The following GCLC variants were observed in gnomAD, a reference collection of about 807,000 sequenced individuals.
GCLC encodes glutamate--cysteine ligase catalytic subunit.
GCLC carries 30 observed loss-of-function variants against 81.5 expected under a neutral mutation model. That is an observed-to-expected ratio of 0.37 (90% CI 0.28 to 0.50). The LOEUF (loss-of-function observed/expected upper bound fraction) is 0.50. Among genes scored for constraint, GCLC ranks in the 20% least tolerant of loss-of-function variants. The pLI, the probability that GCLC is intolerant of heterozygous loss-of-function variation, is 0.96. For synonymous variants in GCLC, 262 were observed against 273.3 expected (o/e 0.96, Z 0.41); for missense variants, 556 against 777.4 (o/e 0.72, Z 3.39).
Position 53,507,603 on chromosome 6 carries a change from T to A in GCLC, c.961A>T (p.Asn321Tyr). Residue 321 changes from asparagine (N) to tyrosine (Y), a missense_variant, in exon 9 of 16, where the codon AAC (asparagine) becomes TAC (tyrosine). Asn to Tyr is a moderately radical substitution (Grantham distance 143). Coordinates refer to ENST00000650454, the MANE Select transcript of GCLC (RefSeq NM_001498.4). ...TATCGGGATTTACTGATCCTATAGT[T>A]ATTGTTCTTCAATGGCTAAAGATTA... is the stretch of plus-strand genomic sequence containing the variant. ...ERGLEPLKNN[N>Y]YRISKSRYDS... 2 of 1,515,656 alleles carry A rather than the reference T, an allele frequency of 1.3e-6. No homozygotes were observed. The highest frequency in any genetic ancestry group is 1.8e-6 in the Non-Finnish European group (2 of 1,091,886). 93.9% of individuals were successfully genotyped at this position (1,515,656 alleles called of 1,614,324 possible).
intron 2 of GCLC, among the ~76,000 whole-genome samples, chr6:53,521,801 C>G (rs1021933404): frequency 2.0e-5 from 3 of 152,034 alleles, no homozygotes; most frequent in African/African-American, 7.2e-5. Context: ...GTGAAACCCC[C>G]GTCTCTACTA....
At position 53,514,596 on chromosome 6, in the gene GCLC, T is replaced by A. The variant is rs144595110; in HGVS notation, c.561-99A>T. 4.3e-5 allele frequency: 37 copies of A among 862,576 alleles called. No homozygotes were observed. The Admixed American group carries it at 6.2e-4, about 14-fold the overall frequency. 53.4% of individuals were successfully genotyped at this position (862,576 alleles called of 1,614,324 possible). On this transcript the variant is annotated intron_variant, in intron 4 of 15. Coordinates refer to ENST00000650454, the MANE Select transcript of GCLC (RefSeq NM_001498.4). Reference sequence around the variant, plus strand: ...CAAGTAAGTGGAATGAAATCATACCTCAAATTAGTTATCTAAGACAACTCA... The same window carrying A: ...CAAGTAAGTGGAATGAAATCATACCACAAATTAGTTATCTAAGACAACTCA...
In GCLC at chr6:53,500,366, G is replaced by T. The variant is rs185146268; in HGVS notation, c.1478-16C>A. On this transcript the variant is annotated splice_polypyrimidine_tract_variant and intron_variant, in intron 13 of 15. Transcript: ENST00000650454. ...GCATTGCCACCTGCCGGAGAAGAGG[G>T]TCAGGGGAGCTTTAGCAGCTTGTTG... 5.4e-4 allele frequency: 869 copies of T among 1,612,596 alleles called. 7 individuals carry two copies. In the African/African-American group the frequency reaches 0.01, roughly 19 times the overall value.
intron 9 of GCLC, 30 bp downstream of exon 9, chr6:53,507,450 C>G (rs1306508095): frequency 4.3e-6 from 7 of 1,611,306 alleles, no homozygotes; most frequent in Non-Finnish European, 5.1e-6. Context: ...GGCGTACATT[C>G]AAACCCAGAA....
intron 3 of GCLC, among the ~76,000 whole-genome samples, chr6:53,516,934 C>T (rs1764884901): frequency 6.6e-6 from 1 of 151,966 alleles, no homozygotes; most frequent in Non-Finnish European, 1.5e-5. Context: ...CCAGTTTTTC[C>T]AAGTTAGGAA....
At chr6:53,538,874 C>T (rs1235912061) in intron 1 of GCLC, among the ~76,000 whole-genome samples, 3 of 152,030 alleles carry the variant, frequency 2.0e-5, no homozygotes, top group Admixed American at 2.0e-4. Context: ...GTTTTCTGAC[C>T]CTCTACAACC....
At chr6:53,527,437 G>T (rs368657545) in intron 1 of GCLC, among the ~76,000 whole-genome samples, 7 of 152,322 alleles carry the variant, frequency 4.6e-5, no homozygotes, top group African/African-American at 1.7e-4. Context: ...TCTAGTTAGA[G>T]TTGATGACTA....
chr6:53,542,602 A>T (rs1004637952), intron 1 of GCLC, among the ~76,000 whole-genome samples: 1 of 151,532 alleles, frequency 6.6e-6, no homozygotes, highest in African/African-American at 2.4e-5. Flanking sequence ...TGTTGTCTCC[A>T]GAAGGAGTTG....
rs1446719873 is a variant in GCLC, at chr6:53,544,537, C to T, written c.109G>A (p.Val37Ile). 2 of 1,609,062 alleles carry T rather than the reference C, an allele frequency of 1.2e-6. No individual in the cohort carries two copies. The highest frequency in any genetic ancestry group is 1.1e-5 in the South Asian group (1 of 91,084). ...ILQFLHIYHA[V>I]KDRHKDVLKW... is the part of the protein sequence containing the mutation. ...AGAACGTCCTTGTGCCGGTCCTTGA[C>T]GGCGTGGTAGATGTGCAGGAACTGG... Residue 37 changes from valine to isoleucine, a missense_variant, in exon 1 of 16, where the codon GTC becomes ATC. Val to Ile is a conservative substitution (Grantham distance 29, BLOSUM62 3). Around this residue, in one of 3 missense-constraint regions of GCLC, gnomAD observed 234 missense variants for 303.8 expected, o/e 0.77. Transcript: ENST00000650454.
rs552725044 is a variant in GCLC, at chr6:53,511,209, G to C, written c.754-1959C>G. ...TCTTGGAAAAAAAAAAGTGGGGGGGGGGTGCTAAAGAGGATGACATGCGGT... is the reference window on the plus strand; with the variant it reads ...TCTTGGAAAAAAAAAAGTGGGGGGGCGGTGCTAAAGAGGATGACATGCGGT... On this transcript the variant is annotated intron_variant, in intron 6 of 15. Transcript: ENST00000650454. Among the ~76,000 whole-genome samples, 332 of 145,866 alleles carry C rather than the reference G, an allele frequency of 2.3e-3. 4 individuals carry two copies. Among genetic ancestry groups the C allele is most frequent in the Middle Eastern group, 0.01 (3 of 290 alleles).
intron 8 of GCLC, among the ~76,000 whole-genome samples, chr6:53,507,826 T>A (rs893591032): frequency 2.8e-4 from 43 of 152,306 alleles, no homozygotes; most frequent in African/African-American, 9.6e-4. Flanking sequence ...AAATATACTT[T>A]TATCTTTTAA....
intron 1 of GCLC, among the ~76,000 whole-genome samples, chr6:53,542,780 C>G (rs927551954): frequency 3.3e-5 from 3 of 90,956 alleles, no homozygotes; most frequent in African/African-American, 1.5e-4. Context: ...CTTTGGGAAG[C>G]CGAGGCGGGT....
At chr6:53,534,290 C>T (rs116278220) in intron 1 of GCLC, among the ~76,000 whole-genome samples, 257 of 152,216 alleles carry the variant, frequency 1.7e-3, no homozygotes, top group Non-Finnish European at 2.4e-3. Flanking sequence ...AAAATCCTGA[C>T]CTTTTAAAAA....
Position 53,544,880 on chromosome 6 carries a change from A to T in GCLC, c.-235T>A, listed in dbSNP as rs1260269267. On this transcript the variant is annotated 5_prime_UTR_variant, in exon 1 of 16. Transcript: ENST00000650454. ...CGCACCGCGCGGAGGCGAAGGCAGA[A>T]GACCGAGAGCAGGCGGGACGGCTCT... 1 of 373,838 alleles carries T rather than the reference A, an allele frequency of 2.7e-6. No homozygotes were observed. Among genetic ancestry groups the T allele is most frequent in the African/African-American group, 2.2e-5 (1 of 46,490 alleles). The allele number at this position is 373,838 out of a possible 1,614,324, so 23.2% of individuals were successfully genotyped here. A position where few individuals can be genotyped will look rare whatever the true frequency, so the allele number is the denominator to read the frequency against.
At chr6:53,508,182 T>C (rs1764653259) in intron 8 of GCLC, among the ~76,000 whole-genome samples, 1 of 152,182 alleles carries the variant, frequency 6.6e-6, no homozygotes, top group African/African-American at 2.4e-5. Context: ...CACCCCTTGT[T>C]GGAGAGATGC....
At chr6:53,519,835 A>G (rs1203240111) in intron 3 of GCLC, among the ~76,000 whole-genome samples, 4 of 152,210 alleles carry the variant, frequency 2.6e-5, no homozygotes, top group African/African-American at 9.6e-5. Context: ...GCTGGCTTAA[A>G]TAAGTTTTCA....
chr6:53,534,495 A>AAAAAAAG (rs1051916879), intron 1 of GCLC, among the ~76,000 whole-genome samples: 1 of 152,132 alleles, frequency 6.6e-6, no homozygotes, highest in Non-Finnish European at 1.5e-5. Flanking sequence ...AAAAAAAAAA[A>AAAAAAAG]AGAGAGAGGA....
intron 12 of GCLC, among the ~76,000 whole-genome samples, chr6:53,504,959 C>T (rs1764585068): frequency 6.6e-6 from 1 of 152,188 alleles, no homozygotes; most frequent in Admixed American, 6.5e-5. Flanking sequence ...TGCTGGCAAA[C>T]TCCTCCCAGA....
At chr6:53,508,736 C>T (rs767408448) in intron 7 of GCLC, 25 bp from the exon 8 acceptor site, 1 of 1,471,692 alleles carries the variant, frequency 6.8e-7, no homozygotes. Context: ...AAGTCAGCTC[C>T]TGCAAATTCA....
Sources: allele counts gnomAD v4.1 joint callset (sites outside exome capture counted in the v4.1 genomes callset), GRCh38; gene constraint gnomAD v4.1.1; regional missense constraint gnomAD v4.1.1; transcripts MANE v1.5; gene names NCBI Gene and HGNC (gene_info 2026-07-23, HGNC 2026-07-21).